ANKS1A: variants seen among roughly 807,000 people sequenced by gnomAD.
The protein encoded by ANKS1A is ankyrin repeat and SAM domain-containing protein 1A.
Under a neutral mutation model 120.3 loss-of-function variants are expected in ANKS1A, and 55 were observed. The ratio of observed to expected loss-of-function variants is 0.46; its 90% CI spans 0.37 to 0.57. The LOEUF is 0.57. ANKS1A is among the 20% of genes least tolerant of loss of function. The pLI, the probability that ANKS1A is intolerant of heterozygous loss-of-function variation, is 0.00. For synonymous variants in ANKS1A, 590 were observed against 604.7 expected, an observed-to-expected ratio of 0.98 and a Z score of 0.36; for missense variants, 1,123 against 1,480.3, an observed-to-expected ratio of 0.76 and a Z score of 3.96.
chr6:35,078,397 C>T (rs1201464199), intron 13 of ANKS1A, among the ~76,000 whole-genome samples, 161 bp from the exon 14 acceptor site: 2 of 152,158 alleles, frequency 1.3e-5, no homozygotes, highest in Non-Finnish European at 2.9e-5. Context: ...GGGAGCCGCC[C>T]GGATGGACGT....
chr6:34,966,796 C>G (rs183708532), intron 1 of ANKS1A, among the ~76,000 whole-genome samples: 2 of 152,276 alleles, frequency 1.3e-5, no homozygotes, highest in Admixed American at 6.5e-5. Context: ...AGACACGTCT[C>G]CTGGTGCTTT....
At chr6:34,947,206 C>T (rs1242719761) in intron 1 of ANKS1A, among the ~76,000 whole-genome samples, 4 of 134,194 alleles carry the variant, frequency 3.0e-5, no homozygotes, top group South Asian at 2.3e-4. Flanking sequence ...AGTGCAGTGG[C>T]GTGATCTCAG....
intron 11 of ANKS1A, among the ~76,000 whole-genome samples, chr6:35,038,030 C>G (rs879030639): frequency 3.3e-5 from 5 of 152,078 alleles, no homozygotes; most frequent in Admixed American, 6.5e-5. Context: ...CGTCAGGTCT[C>G]TTTGTCTCTT....
chr6:34,946,580 T>G (rs1269183570), intron 1 of ANKS1A, among the ~76,000 whole-genome samples: 10 of 151,340 alleles, frequency 6.6e-5, no homozygotes, highest in Non-Finnish European at 1.5e-4. Flanking sequence ...AGAGCAAAAC[T>G]CTGTCTTGAA....
chr6:34,949,311 G>A (rs894179222), intron 1 of ANKS1A, among the ~76,000 whole-genome samples: 4 of 152,184 alleles, frequency 2.6e-5, no homozygotes, highest in African/African-American at 9.7e-5. Context: ...ATAAGAGTAG[G>A]GAGGGTGATG....
intron 11 of ANKS1A, chr6:35,023,730 T>C (rs1774470547): frequency 2.9e-6 from 1 of 348,948 alleles, no homozygotes; most frequent in Non-Finnish European, 5.7e-6. Context: ...TGGAGACAAA[T>C]TTCTTCTCCC....
chr6:35,025,126 G>A (rs542872537), intron 11 of ANKS1A, among the ~76,000 whole-genome samples: 5 of 151,832 alleles, frequency 3.3e-5, no homozygotes, highest in Non-Finnish European at 5.9e-5. Flanking sequence ...TAGGTGGTCT[G>A]GTAATATTGA....
rs78806110 is a variant in ANKS1A, at chr6:35,035,619, G to T, written c.2010+17560G>T. 5.7e-4 allele frequency among the ~76,000 whole-genome samples: 87 copies of T among 152,302 alleles called. No individual in the cohort carries two copies. In the East Asian group the frequency reaches 0.013, roughly 23 times the overall value. On this transcript the variant is annotated intron_variant, in intron 11 of 23. Coordinates refer to ENST00000360359, the MANE Select transcript of ANKS1A (RefSeq NM_015245.3). Reference sequence around the variant, plus strand: ...GTCACATTGACACATGGGTCTTAGGGTAGATGTTTGTTTTGAGTTCTACCT... The same window carrying T: ...GTCACATTGACACATGGGTCTTAGGTTAGATGTTTGTTTTGAGTTCTACCT...
At chr6:34,891,084 G>A (rs1270724671) in intron 1 of ANKS1A, among the ~76,000 whole-genome samples, 2 of 152,226 alleles carry the variant, frequency 1.3e-5, no homozygotes, top group Non-Finnish European at 1.5e-5. Flanking sequence ...TCAGAGAACA[G>A]AGACATCATT....
At chr6:34,956,047 A>G (rs912595779) in intron 1 of ANKS1A, among the ~76,000 whole-genome samples, 3 of 152,054 alleles carry the variant, frequency 2.0e-5, no homozygotes, top group African/African-American at 7.2e-5. Context: ...TATTTCTTTG[A>G]TGATCTTTTT....
chr6:34,946,995 C>CA (rs1236133516), intron 1 of ANKS1A, among the ~76,000 whole-genome samples: 2 of 152,202 alleles, frequency 1.3e-5, no homozygotes, highest in African/African-American at 4.8e-5. Flanking sequence ...TGTGCTTGCA[C>CA]AAGTGACTTC....
At chr6:34,959,853 G>A (rs762625365) in intron 1 of ANKS1A, among the ~76,000 whole-genome samples, 1 of 152,204 alleles carries the variant, frequency 6.6e-6, no homozygotes, top group Non-Finnish European at 1.5e-5. Context: ...CTGATTCTCT[G>A]TTAAGAGACT....
chr6:34,920,238 C>G (rs963655391), intron 1 of ANKS1A, among the ~76,000 whole-genome samples: 2 of 151,850 alleles, frequency 1.3e-5, no homozygotes, highest in African/African-American at 4.8e-5. Context: ...TTTTTAGAGA[C>G]AAGGTCTTGC....
At chr6:35,036,969 T>C (rs1433392688) in intron 11 of ANKS1A, among the ~76,000 whole-genome samples, 3 of 152,238 alleles carry the variant, frequency 2.0e-5, no homozygotes, top group African/African-American at 4.8e-5. Context: ...GAACCAAGGC[T>C]GAAGAGCCAC....
chr6:34,990,258 G>A (rs1204895589), intron 9 of ANKS1A, among the ~76,000 whole-genome samples: 3 of 152,156 alleles, frequency 2.0e-5, no homozygotes, highest in South Asian at 2.1e-4. Flanking sequence ...TTTTAAAAAC[G>A]TAAAAGTCAG....
At chr6:34,968,553 T>C (rs990110016) in intron 2 of ANKS1A, among the ~76,000 whole-genome samples, 32 of 152,086 alleles carry the variant, frequency 2.1e-4, no homozygotes, top group Non-Finnish European at 4.1e-4. Flanking sequence ...TTCTCCTGCC[T>C]CAGCCTCCTG....
intron 11 of ANKS1A, among the ~76,000 whole-genome samples, chr6:35,051,317 C>G (rs1463038774): frequency 1.3e-5 from 2 of 152,272 alleles, no homozygotes; most frequent in African/African-American, 4.8e-5. Context: ...GTGCTCAACT[C>G]TGTTCACTCT....
chr6:35,095,510 TTG>T, downstream of ANKS1A, among the ~76,000 whole-genome samples: 1 of 143,398 alleles, frequency 7.0e-6, no homozygotes, highest in East Asian at 2.1e-4. Context: ...TGAGCCAAGA[TTG>T]CGCCACTGCA....
chr6:35,082,619 C>A lies in ANKS1A; in HGVS notation c.2710-72C>A. 6.6e-7 allele frequency: 1 copy of A among 1,524,982 alleles called. No homozygotes were observed. The allele number at this position is 1,524,982 out of a possible 1,614,324, so 94.5% of individuals were successfully genotyped here. ...ACTGGCATCTTCACCCTTGAGTGTG[C>A]TGGAGCCAGGCAGCAAGCCCATGTG... On this transcript the variant is annotated intron_variant, in intron 17 of 23. Transcript: ENST00000360359. This position sits in a 1 kb window ranked among gnomAD's most constrained non-coding sequence, Gnocchi z 4.1.
Sources: gnomAD v4.1 joint callset for allele counts (sites outside exome capture counted in the v4.1 genomes callset) on GRCh38, gnomAD v4.1.1 for gene constraint, Gnocchi (gnomAD v3.1) non-coding constraint, MANE v1.5 for transcripts, NCBI Gene and HGNC (gene_info 2026-07-23, HGNC 2026-07-21) for gene names.